CFAP65: variants seen among roughly 807,000 people sequenced by gnomAD.
CFAP65 encodes cilia and flagella associated protein 65.
Under a neutral mutation model 208.0 loss-of-function variants are expected in CFAP65, and 155 were observed. The observed-to-expected ratio is 0.75, with a 90% CI of 0.65 to 0.85. The LOEUF is 0.85. Ranked by LOEUF, CFAP65 falls within the 40% of genes least tolerant of loss-of-function variation. The probability of loss-of-function intolerance (pLI) is 0.00; values close to 1 mark genes in which losing one functional copy is unlikely to be tolerated. For synonymous variants in CFAP65, 970 were observed against 986.3 expected (o/e 0.98, Z 0.31); for missense variants, 2,294 against 2,451.3 (o/e 0.94, Z 1.36).
chr2:219,026,083 C>T lies in CFAP65; in HGVS notation c.2288G>A (p.Gly763Asp). 1.2e-6 allele frequency: 2 copies of T among 1,614,132 alleles called. No homozygotes were observed. The highest frequency in any genetic ancestry group is 1.7e-6 in the Non-Finnish European group (2 of 1,180,026). Reference protein sequence around the residue: ...PSWCLTVRARGHSYFAGFEHH... With the variant: ...PSWCLTVRARDHSYFAGFEHH... ...CTCAAAGCCAGCGAAATAGCTGTGG[C>T]CTCGTGCCCGCACCGTCAGGCACCA... Residue 763 changes from glycine (G) to aspartate (D), a missense_variant, in exon 14 of 35, where the codon GGC becomes GAC. By Grantham distance (94) the Gly-to-Asp change is moderately conservative. Transcript: ENST00000341552.
intron 13 of CFAP65, chr2:219,027,377 T>C (rs1001187985): frequency 1.4e-6 from 2 of 1,467,446 alleles, no homozygotes. Flanking sequence ...TATCTCCCTG[T>C]GCACCCAGTT....
rs1295416521 is a variant in CFAP65 at position 219,032,006 on chromosome 2, C to G, written c.646-348G>C. On this transcript the variant is annotated intron_variant, in intron 6 of 34. Coordinates refer to ENST00000341552, the MANE Select transcript of CFAP65 (RefSeq NM_194302.4). This position sits in a 1 kb window ranked among gnomAD's most constrained non-coding sequence, Gnocchi z 5.5. ...TGAGATCTCAGCTCACTGCAACAGC[C>G]GCCTCCCGGTTCAAGTGATTCTGCT... Among the ~76,000 whole-genome samples the G allele has an allele frequency of 6.6e-6, 1 of 151,028 alleles. No homozygotes were observed. The highest frequency in any genetic ancestry group is 6.6e-5 in the Admixed American group (1 of 15,214).
intron 21 of CFAP65, chr2:219,018,812 C>T (rs1373388470): frequency 7.1e-6 from 4 of 561,300 alleles, no homozygotes; most frequent in Non-Finnish European, 1.3e-5. Flanking sequence ...TATGCCCAGG[C>T]TCCATCAGGG....
chr2:219,016,687 A>G (rs1431222000), intron 21 of CFAP65, among the ~76,000 whole-genome samples: 1 of 152,118 alleles, frequency 6.6e-6, no homozygotes, highest in African/African-American at 2.4e-5. Context: ...CTGGAGAACC[A>G]CAACGGCCTC....
In CFAP65 at chr2:219,009,116, C is replaced by T. The variant is rs755291968; in HGVS notation, c.4605G>A (p.Glu1535=). Residue 1535 remains glutamate, a synonymous_variant, in exon 29 of 35, where the codon GAG becomes GAA. Coordinates refer to ENST00000341552, the MANE Select transcript of CFAP65 (RefSeq NM_194302.4). The part of the protein sequence containing the change: ...SQQLMRQYHK[E]LQEWKDEKVR... ...CCTTCTCGTCCTTCCACTCCTGCAG[C>T]TCCTTGTGATACTGCCTCATGAGCT... The T allele has an allele frequency of 1.2e-6, 2 of 1,612,936 alleles. No individual in the cohort carries two copies. The highest frequency in any genetic ancestry group is 1.7e-6 in the Non-Finnish European group (2 of 1,179,950).
intron 2 of CFAP65, among the ~76,000 whole-genome samples, chr2:219,039,976 C>T (rs1948573115): frequency 6.6e-6 from 1 of 152,022 alleles, no homozygotes; most frequent in Admixed American, 6.6e-5. Context: ...ACTGAGAATC[C>T]ACGTGCCAGG....
Position 219,003,168 on chromosome 2 carries a change from C to A in CFAP65, c.5660G>T (p.Arg1887Leu). The change falls in exon 34 of 35, where the codon CGC (arginine) becomes CTC (leucine). Residue 1887 changes from arginine (R) to leucine (L), a missense_variant. Around this residue, in one of 2 missense-constraint regions of CFAP65, gnomAD observed 1,427 missense variants for 1,438.7 expected, o/e 0.99. Transcript: ENST00000341552. This position sits in a 1 kb window ranked among gnomAD's most constrained non-coding sequence, Gnocchi z 4.4. The stretch of plus-strand genomic sequence containing the variant: ...GCAGAACGGCGGCAGGGCGATGACG[C>A]GTGGCCGCGAGGTGAGTACCACCTC... ...RGEVVLTSRPRVIALPPFCVP... is the reference protein window; with the variant it reads ...RGEVVLTSRPLVIALPPFCVP... 1 of 1,545,444 alleles carries A rather than the reference C, an allele frequency of 6.5e-7. No homozygotes were observed. The highest frequency in any genetic ancestry group is 8.7e-7 in the Non-Finnish European group (1 of 1,143,728).
intron 19 of CFAP65, among the ~76,000 whole-genome samples, chr2:219,020,107 A>G (rs1237562423): frequency 6.6e-6 from 1 of 152,004 alleles, no homozygotes; most frequent in Non-Finnish European, 1.5e-5. Flanking sequence ...TAATTTTAGA[A>G]AATTTTCATC....
chr2:219,027,540 C>T (rs563211604), intron 13 of CFAP65, 110 bp downstream of exon 13: 71 of 1,612,436 alleles, frequency 4.4e-5, no homozygotes, highest in South Asian at 1.8e-4. Context: ...AAGCCTGGCA[C>T]GCAGAGGATG....
At chr2:219,029,282 C>T in intron 11 of CFAP65, 121 bp downstream of exon 11, 3 of 1,314,258 alleles carry the variant, frequency 2.3e-6, no homozygotes, top group Non-Finnish European at 3.1e-6. Flanking sequence ...AGTGGGAGAC[C>T]ACCAGGCAGA....
rs759620138 is a variant in CFAP65 at position 219,031,521 on chromosome 2, C to T, written c.783G>A (p.Thr261=). 5.6e-6 allele frequency: 9 copies of T among 1,614,238 alleles called. 2 individuals are homozygous for T. The South Asian group carries it at 6.6e-5, about 12-fold the overall frequency. The change falls in exon 7 of 35, where the codon ACG becomes ACA. Residue 261 remains threonine (T), a synonymous_variant. Transcript: ENST00000341552. This position sits in a 1 kb window ranked among gnomAD's most constrained non-coding sequence, Gnocchi z 5.2. ...TATCCAGGCAGAAAAAGGCCTCAGT[C>T]GTATCTCCCACAGCACACATGGGCA... ...LQLPMCAVGD[T]TEAFFCLDNV...
Position 219,027,637 on chromosome 2 carries a change from T to G in CFAP65, c.2211+13A>C. On this transcript the variant is annotated intron_variant, in intron 13 of 34. Coordinates refer to ENST00000341552, the MANE Select transcript of CFAP65 (RefSeq NM_194302.4). ...GAGACCCCGCATTCCTCCCTCTCAT[T>G]GCGTGCACACACCTTATAGATGGCG... 6.2e-7 allele frequency: 1 copy of G among 1,613,622 alleles called. No homozygotes were observed.
At position 219,021,169 on chromosome 2, in the gene CFAP65, G is replaced by A. The variant is rs1188351632; in HGVS notation, c.3242C>T (p.Ser1081Phe). 3 of 1,582,470 alleles carry A rather than the reference G, an allele frequency of 1.9e-6. No homozygotes were observed. The highest frequency in any genetic ancestry group is 1.7e-6 in the Non-Finnish European group (2 of 1,164,008). Reference protein sequence around the residue: ...RSQYSWTITYSLLSHRDNKAG... With the variant: ...RSQYSWTITYFLLSHRDNKAG... ...CTAGGTACCTCTGTGGGAAAGGAGA[G>A]AGTAGGTGATGGTCCAGGAGTACTG... The change falls in exon 19 of 35, where the codon TCT (serine) becomes TTT (phenylalanine). Residue 1081 changes from serine to phenylalanine, a missense_variant. By Grantham distance (155) the Ser-to-Phe change is radical (BLOSUM62 -2). Coordinates refer to ENST00000341552, the MANE Select transcript of CFAP65 (RefSeq NM_194302.4).
chr2:219,032,006 C>T lies in CFAP65; in HGVS notation c.646-348G>A, dbSNP rs1295416521. Reference sequence around the variant, plus strand: ...TGAGATCTCAGCTCACTGCAACAGCCGCCTCCCGGTTCAAGTGATTCTGCT... The same window carrying T: ...TGAGATCTCAGCTCACTGCAACAGCTGCCTCCCGGTTCAAGTGATTCTGCT... On this transcript the variant is annotated intron_variant, in intron 6 of 34. Transcript: ENST00000341552. The surrounding 1 kb of genome is among the most constrained non-coding windows in gnomAD (Gnocchi z 5.5). Among the ~76,000 whole-genome samples the T allele has an allele frequency of 2.6e-5, 4 of 151,028 alleles. No individual in the cohort carries two copies. The highest frequency in any genetic ancestry group is 6.6e-5 in the Admixed American group (1 of 15,214).
chr2:219,023,910 C>A, intron 15 of CFAP65, 105 bp downstream of exon 15: 1 of 1,371,194 alleles, frequency 7.3e-7, no homozygotes, highest in Non-Finnish European at 1.0e-6. Context: ...GAGAAGTGGC[C>A]CCCTGGAAAT....
chr2:219,035,803 C>T (rs1948322612), intron 4 of CFAP65, 139 bp from the exon 5 acceptor site: 3 of 1,431,944 alleles, frequency 2.1e-6, no homozygotes, highest in Non-Finnish European at 9.1e-7. Context: ...ATGATTGACA[C>T]CACCCCTCAC....
chr2:219,028,071 T>A, intron 12 of CFAP65, 62 bp from the exon 13 acceptor site: 1 of 1,527,698 alleles, frequency 6.5e-7, no homozygotes, highest in South Asian at 1.3e-5. Flanking sequence ...TTGCCCCTCC[T>A]GGGTACACTC....
intron 24 of CFAP65, among the ~76,000 whole-genome samples, 187 bp from the exon 25 acceptor site, chr2:219,011,183 A>G (rs1319140793): frequency 6.6e-6 from 1 of 151,654 alleles, no homozygotes; most frequent in Admixed American, 6.6e-5. Flanking sequence ...GTGATATTTT[A>G]GGATAATCTG....
At chr2:219,007,799 A>G (rs550884423) in intron 29 of CFAP65, among the ~76,000 whole-genome samples, 1 of 151,948 alleles carries the variant, frequency 6.6e-6, no homozygotes, top group South Asian at 2.1e-4. Context: ...CACATTAAAA[A>G]GTATTTTTAG....
Sources: allele counts gnomAD v4.1 joint callset (sites outside exome capture counted in the v4.1 genomes callset), GRCh38; gene constraint gnomAD v4.1.1; regional missense constraint gnomAD v4.1.1; non-coding constraint Gnocchi (gnomAD v3.1); transcripts MANE v1.5; gene names NCBI Gene and HGNC (gene_info 2026-07-23, HGNC 2026-07-21).